The following CASP14 variants were observed in gnomAD, a reference collection of about 807,000 sequenced individuals.
The protein encoded by CASP14 is caspase-14.
In CASP14, 27 loss-of-function variants were observed where a neutral mutation model predicts 28.4. That is an observed-to-expected ratio of 0.95 (90% CI 0.70 to 1.31). The LOEUF is 1.31. Ranked by LOEUF, CASP14 falls within the 50% of genes most tolerant of loss-of-function variation. The probability of loss-of-function intolerance (pLI) is 0.00; values close to 1 mark genes in which losing one functional copy is unlikely to be tolerated. For synonymous variants in CASP14, 115 were observed against 118.6 expected (o/e 0.97, Z 0.20); for missense variants, 323 against 312.8 (o/e 1.03, Z -0.25).
intron 1 of CASP14, among the ~76,000 whole-genome samples, chr19:15,050,496 T>TG (rs2046085185): frequency 0.011 from 1,498 of 130,300 alleles, 42 homozygotes; most frequent in African/African-American, 0.04. Context: ...GTGGATGGAT[T>TG]GATGGATGGA....
Position 15,053,877 on chromosome 19 carries a change from C to G in CASP14, c.322C>G (p.Leu108Val), listed in dbSNP as rs372381877. 187 of 1,614,036 alleles carry G rather than the reference C, an allele frequency of 1.2e-4. No individual in the cohort carries two copies. Among genetic ancestry groups the G allele is most frequent in the Non-Finnish European group, 1.6e-4 (185 of 1,180,024 alleles). ...EDGEMVKLEN[L>V]FEALNNKNCQ... ...TGGGGAGATGGTCAAGCTGGAGAAT[C>G]TCTTCGAGGCCCTGAACAACAAGAA... Residue 108 changes from leucine to valine, a missense_variant, in exon 4 of 7, where the codon CTC (leucine) becomes GTC (valine). Coordinates refer to ENST00000427043, the MANE Select transcript of CASP14 (RefSeq NM_012114.3).
At position 15,051,197 on chromosome 19, in the gene CASP14, GA is replaced by G. The variant is rs35123730; in HGVS notation, c.-46-998del. Among the ~76,000 whole-genome samples, 1,353 of 146,364 alleles carry G rather than the reference GA, an allele frequency of 9.2e-3. 12 individuals are homozygous for G. The highest frequency in any genetic ancestry group is 0.016 in the African/African-American group (627 of 39,696). On this transcript the variant is annotated intron_variant, in intron 1 of 6. Transcript: ENST00000427043. ...AAATTGTCAGAGAAGGATCTAGATA[GA>G]AAAAAAAAAAGCATTCCCGGTGGGG...
In CASP14 at chr19:15,052,217, G is replaced by A. The variant is rs1420905569; in HGVS notation, c.-35G>A. 1.3e-6 allele frequency: 2 copies of A among 1,580,834 alleles called. No homozygotes were observed. Among genetic ancestry groups the A allele is most frequent in the Non-Finnish European group, 1.7e-6 (2 of 1,165,148 alleles). ...CTCTTGACTCCAAGGATCAGACAAG[G>A]GTGCTGAGAGCCGGGACTCACAACC... On this transcript the variant is annotated 5_prime_UTR_variant, in exon 2 of 7. Coordinates refer to ENST00000427043, the MANE Select transcript of CASP14 (RefSeq NM_012114.3).
At position 15,053,744 on chromosome 19, in the gene CASP14, A is replaced by G; in HGVS notation, c.189A>G (p.Glu63=). ...KRDPTAEQFQ[E]ELEKFQQAID... ...TCCTCTCACTCCAGCAATTCCAGGA[A>G]GAGCTGGAAAAATTCCAGCAGGCCA... The change falls in exon 4 of 7, where the codon GAA becomes GAG. Residue 63 remains glutamate, a synonymous_variant. Transcript: ENST00000427043. The G allele has an allele frequency of 1.9e-6, 3 of 1,613,536 alleles. No individual in the cohort carries two copies. Among genetic ancestry groups the G allele is most frequent in the Non-Finnish European group, 1.7e-6 (2 of 1,179,504 alleles).
rs2046102976 is a variant in CASP14, at chr19:15,053,806, T to G, written c.251T>G (p.Val84Gly). Residue 84 changes from valine (V) to glycine (G), a missense_variant, in exon 4 of 7, where the codon GTG becomes GGG. Val to Gly is a moderately radical substitution (Grantham distance 109). Transcript: ENST00000427043. ...GAAGATCCCGTCAGTTGTGCCTTCG[T>G]GGTACTCATGGCTCACGGGAGGGAA... ...SREDPVSCAF[V>G]VLMAHGREGF... 6.2e-7 allele frequency: 1 copy of G among 1,613,950 alleles called. No individual in the cohort carries two copies.
Position 15,055,486 on chromosome 19 carries a change from G to T in CASP14, c.577G>T (p.Asp193Tyr). 6.2e-7 allele frequency: 1 copy of T among 1,614,160 alleles called. No individual in the cohort carries two copies. The highest frequency in any genetic ancestry group is 8.5e-7 in the Non-Finnish European group (1 of 1,180,006). The change falls in exon 6 of 7, where the codon GAT becomes TAT. Residue 193 changes from aspartate (D) to tyrosine (Y), a missense_variant. Asp to Tyr is a radical substitution (Grantham distance 160). Coordinates refer to ENST00000427043, the MANE Select transcript of CASP14 (RefSeq NM_012114.3). Reference sequence around the variant, plus strand: ...CTCATGCTTTATCCAGACCCTGGTGGATGTGTTCACGAAGAGGAAAGGACA... The same window carrying T: ...CTCATGCTTTATCCAGACCCTGGTGTATGTGTTCACGAAGAGGAAAGGACA... ...KGSCFIQTLV[D>Y]VFTKRKGHIL...
chr19:15,052,422 C>CA, intron 2 of CASP14, 144 bp downstream of exon 2: 4 of 821,716 alleles, frequency 4.9e-6, no homozygotes, highest in Admixed American at 4.1e-5. Flanking sequence ...AATCAAACAG[C>CA]AAAAAAAGAC....
Position 15,049,509 on chromosome 19 carries a change from G to C in CASP14, c.-183G>C, listed in dbSNP as rs1463264682. 6.6e-6 allele frequency: 1 copy of C among 152,042 alleles called. No individual in the cohort carries two copies. Among genetic ancestry groups the C allele is most frequent in the Non-Finnish European group, 1.5e-5 (1 of 68,026 alleles). The allele number at this position is 152,042 out of a possible 1,614,324, so 9.4% of individuals were successfully genotyped here. On this transcript the variant is annotated 5_prime_UTR_variant, in exon 1 of 7. Transcript: ENST00000427043. ...ACCAGGCTTCTCAGGAGAAACCCCG[G>C]GAGATTCCACACTGTCAGCCCCTTC...
intron 2 of CASP14, among the ~76,000 whole-genome samples, chr19:15,052,798 TCA>T (rs34130956): frequency 6.6e-6 from 1 of 151,440 alleles, no homozygotes; most frequent in Non-Finnish European, 1.5e-5. Context: ...ATCTTCAAAA[TCA>T]CACACACACT....
intron 3 of CASP14, 29 bp from the exon 4 acceptor site, chr19:15,053,704 G>A: frequency 1.2e-6 from 2 of 1,613,020 alleles, no homozygotes; most frequent in Middle Eastern, 1.7e-4. Flanking sequence ...TGGGGACCCA[G>A]CTGAGTCTGG....
chr19:15,057,563 G>A lies in CASP14; in HGVS notation c.*1474G>A, dbSNP rs1253955976. ...TACCATCTATAACAGTGATCTCCCT[G>A]GAACACTCAAGAAGACACAACATAC... On this transcript the variant is annotated 3_prime_UTR_variant, in exon 7 of 7. Coordinates refer to ENST00000427043, the MANE Select transcript of CASP14 (RefSeq NM_012114.3). The A allele has an allele frequency of 6.6e-6, 1 of 152,042 alleles. No individual in the cohort carries two copies. Among genetic ancestry groups the A allele is most frequent in the Non-Finnish European group, 1.5e-5 (1 of 68,068 alleles). 9.4% of individuals were successfully genotyped at this position (152,042 alleles called of 1,614,324 possible). A position where few individuals can be genotyped will look rare whatever the true frequency, so the allele number is the denominator to read the frequency against.
intron 2 of CASP14, among the ~76,000 whole-genome samples, chr19:15,052,676 C>T (rs562951986): frequency 5.3e-5 from 8 of 152,304 alleles, no homozygotes; most frequent in Admixed American, 5.2e-4. Context: ...TCAGTATTAG[C>T]TTCAGAAACT....
intron 2 of CASP14, among the ~76,000 whole-genome samples, chr19:15,052,580 G>T (rs2046095927): frequency 6.6e-6 from 1 of 152,174 alleles, no homozygotes; most frequent in Non-Finnish European, 1.5e-5. Context: ...AAAAGATGAA[G>T]TTCTTACCAC....
chr19:15,052,315 TG>T, intron 2 of CASP14, 37 bp downstream of exon 2: 1 of 1,544,338 alleles, frequency 6.5e-7, no homozygotes. Flanking sequence ...GGTGATCATC[TG>T]GGGAGAAGGA....
At chr19:15,055,379 C>G (rs1247370827) in intron 5 of CASP14, 51 bp from the exon 6 acceptor site, 1 of 1,582,106 alleles carries the variant, frequency 6.3e-7, no homozygotes. Flanking sequence ...CCAGGATCCC[C>G]TCTACCTACC....
intron 1 of CASP14, among the ~76,000 whole-genome samples, chr19:15,050,144 T>A (rs76166040): frequency 0.011 from 1,727 of 152,152 alleles, 13 homozygotes; most frequent in Middle Eastern, 0.034. Context: ...CCTTTGCGGA[T>A]GGGAAAATCG....
At chr19:15,052,819 A>G (rs2046097049) in intron 2 of CASP14, among the ~76,000 whole-genome samples, 2 of 152,102 alleles carry the variant, frequency 1.3e-5, no homozygotes, top group African/African-American at 4.8e-5. Flanking sequence ...CTCATTGTCT[A>G]TATTTGGAAA....
At chr19:15,051,392 G>A (rs547249187) in intron 1 of CASP14, among the ~76,000 whole-genome samples, 64 of 151,266 alleles carry the variant, frequency 4.2e-4, no homozygotes, top group Non-Finnish European at 7.4e-4. Flanking sequence ...CCAGCTACTC[G>A]GGAGGCTGAG....
Position 15,053,869 on chromosome 19 carries a change from T to C in CASP14, c.314T>C (p.Leu105Pro), listed in dbSNP as rs1450307338. ...GGAGAAGATGGGGAGATGGTCAAGC[T>C]GGAGAATCTCTTCGAGGCCCTGAAC... is the stretch of plus-strand genomic sequence containing the variant. The part of the protein sequence containing the change: ...LKGEDGEMVK[L>P]ENLFEALNNK... The change falls in exon 4 of 7, where the codon CTG (leucine) becomes CCG (proline). Residue 105 changes from leucine to proline, a missense_variant. Physicochemically the swap from Leu to Pro is moderately conservative, Grantham distance 98 (BLOSUM62 -3). Transcript: ENST00000427043. 4 of 1,614,004 alleles carry C rather than the reference T, an allele frequency of 2.5e-6. No individual in the cohort carries two copies. The highest frequency in any genetic ancestry group is 2.2e-5 in the South Asian group (2 of 91,082).
Sources: gnomAD v4.1 joint callset for allele counts (sites outside exome capture counted in the v4.1 genomes callset) on GRCh38, gnomAD v4.1.1 for gene constraint, MANE v1.5 for transcripts, NCBI Gene and HGNC (gene_info 2026-07-23, HGNC 2026-07-21) for gene names.